EIF4E3: variants seen among roughly 807,000 people sequenced by gnomAD.
The protein encoded by EIF4E3 is eukaryotic translation initiation factor 4E family member 3.
A neutral mutation model predicts 31.7 loss-of-function variants in EIF4E3; 26 were observed. That is an observed-to-expected ratio of 0.82 (90% CI 0.60 to 1.14). The LOEUF is 1.14. EIF4E3 is among the 50% of genes most tolerant of loss of function. The pLI is 0.00. For missense variants in EIF4E3, 304 were observed against 270.9 expected, an observed-to-expected ratio of 1.12 and a Z score of -0.86; for synonymous variants, 128 against 107.7, an observed-to-expected ratio of 1.19 and a Z score of -1.17.
At chr3:71,703,411 T>C (rs1305270245) in intron 2 of EIF4E3, among the ~76,000 whole-genome samples, 10 of 152,220 alleles carry the variant, frequency 6.6e-5, no homozygotes, top group Admixed American at 5.9e-4. Context: ...ACAGGTCATG[T>C]AGCCCGTGAA....
intron 5 of EIF4E3, among the ~76,000 whole-genome samples, chr3:71,693,020 C>T (rs572496132): frequency 1.2e-4 from 18 of 152,184 alleles, no homozygotes; most frequent in Admixed American, 2.6e-4. Context: ...ACAGGGCTCT[C>T]AAACACGGCC....
At chr3:71,701,238 G>A (rs2049212262) in intron 2 of EIF4E3, among the ~76,000 whole-genome samples, 1 of 152,170 alleles carries the variant, frequency 6.6e-6, no homozygotes, top group African/African-American at 2.4e-5. Flanking sequence ...AGGAAGTCTT[G>A]GCAAAGACAA....
chr3:71,675,547 C>CA lies in EIF4E3; in HGVS notation c.*9134dup, dbSNP rs1204120518. ...TGTCGCAAAGAAGCAGGTTAGAAAA[C>CA]ATGCATTTTTTCCACATAATATATG... On this transcript the variant is annotated 3_prime_UTR_variant, in exon 7 of 7. Coordinates refer to ENST00000425534, the MANE Select transcript of EIF4E3 (RefSeq NM_001134651.2). The CA allele has an allele frequency of 6.6e-6, 1 of 152,166 alleles. No homozygotes were observed. The highest frequency in any genetic ancestry group is 1.5e-5 in the Non-Finnish European group (1 of 68,020). 9.4% of individuals were successfully genotyped at this position (152,166 alleles called of 1,614,324 possible).
chr3:71,693,354 GT>G (rs772833342), intron 5 of EIF4E3, among the ~76,000 whole-genome samples: 3 of 152,186 alleles, frequency 2.0e-5, no homozygotes, highest in Non-Finnish European at 2.9e-5. Flanking sequence ...TGGTGAGCAT[GT>G]CCCCACCGAC....
rs542811073 is a variant in EIF4E3, at chr3:71,678,329, T to G, written c.*6353A>C. On this transcript the variant is annotated 3_prime_UTR_variant, in exon 7 of 7. Coordinates refer to ENST00000425534, the MANE Select transcript of EIF4E3 (RefSeq NM_001134651.2). ...AAATAAAGTTCTACAAACTAACACT[T>G]AAACAAACCCTGTGAACTACTACCC... The G allele has an allele frequency of 6.6e-6, 1 of 152,268 alleles. No homozygotes were observed. The highest frequency in any genetic ancestry group is 2.1e-4 in the South Asian group (1 of 4,822). 9.4% of individuals were successfully genotyped at this position (152,268 alleles called of 1,614,324 possible). A position where few individuals can be genotyped will look rare whatever the true frequency, so the allele number is the denominator to read the frequency against.
intron 1 of EIF4E3, among the ~76,000 whole-genome samples, chr3:71,744,503 T>C (rs551348538): frequency 5.8e-4 from 88 of 152,294 alleles, no homozygotes; most frequent in Admixed American, 1.4e-3. Context: ...TCCCAGCACT[T>C]TGGGAGGCCG....
chr3:71,710,379 T>C (rs1355308245), intron 2 of EIF4E3, 33 bp downstream of exon 2: 2 of 1,546,990 alleles, frequency 1.3e-6, no homozygotes, highest in Non-Finnish European at 1.8e-6. Context: ...ACGTGTGCCG[T>C]GTTAATCCAG....
chr3:71,748,450 T>C (rs1268500529), intron 1 of EIF4E3, among the ~76,000 whole-genome samples: 1 of 151,802 alleles, frequency 6.6e-6, no homozygotes, highest in Non-Finnish European at 1.5e-5. Flanking sequence ...TCTTCCAGAG[T>C]ATATAGGGAG....
At chr3:71,719,970 C>T (rs768379199) in intron 1 of EIF4E3, among the ~76,000 whole-genome samples, 19 of 151,816 alleles carry the variant, frequency 1.3e-4, no homozygotes, top group South Asian at 2.1e-4. Context: ...GTCATGACTG[C>T]GCCACTGCAC....
In EIF4E3 at chr3:71,677,350, C is replaced by T. The variant is rs1313198679; in HGVS notation, c.*7332G>A. On this transcript the variant is annotated 3_prime_UTR_variant, in exon 7 of 7. Coordinates refer to ENST00000425534, the MANE Select transcript of EIF4E3 (RefSeq NM_001134651.2). ...AGAGATTTTTTTATGCATTCATTAA[C>T]GAAAAGCAGTTAAAAGTTCTTTAAT... 4 of 151,952 alleles carry T rather than the reference C, an allele frequency of 2.6e-5. No individual in the cohort carries two copies. Among genetic ancestry groups the T allele is most frequent in the African/African-American group, 4.8e-5 (2 of 41,376 alleles). 9.4% of individuals were successfully genotyped at this position (151,952 alleles called of 1,614,324 possible).
chr3:71,676,929 C>CT lies in EIF4E3; in HGVS notation c.*7752dup, dbSNP rs2048878883. The CT allele has an allele frequency of 6.6e-6, 1 of 152,128 alleles. No individual in the cohort carries two copies. Among genetic ancestry groups the CT allele is most frequent in the African/African-American group, 2.4e-5 (1 of 41,434 alleles). The allele number at this position is 152,128 out of a possible 1,614,324, so 9.4% of individuals were successfully genotyped here. On this transcript the variant is annotated 3_prime_UTR_variant, in exon 7 of 7. Coordinates refer to ENST00000425534, the MANE Select transcript of EIF4E3 (RefSeq NM_001134651.2). ...ATGTTTCCTAAGATCTGAAACCTTT[C>CT]TCTAGGTCCATACTTTATATAATCC...
chr3:71,671,630 T>C (rs1457872654), downstream of EIF4E3, among the ~76,000 whole-genome samples: 8 of 151,882 alleles, frequency 5.3e-5, no homozygotes, highest in South Asian at 4.2e-4. Context: ...TACTTAACCA[T>C]CCCTCGCCTC....
intron 1 of EIF4E3, among the ~76,000 whole-genome samples, chr3:71,738,103 A>G (rs2049782075): frequency 6.6e-6 from 1 of 152,228 alleles, no homozygotes; most frequent in Non-Finnish European, 1.5e-5. Context: ...CAACACAGCA[A>G]TAACTTCCCT....
intron 1 of EIF4E3, among the ~76,000 whole-genome samples, chr3:71,722,064 T>C (rs953383013): frequency 1.3e-4 from 18 of 142,376 alleles, no homozygotes; most frequent in Non-Finnish European, 2.4e-4. Flanking sequence ...CAAAGCTTTA[T>C]GGTTCCTGTA....
chr3:71,734,553 T>A (rs1268316431), intron 1 of EIF4E3, among the ~76,000 whole-genome samples: 1 of 152,184 alleles, frequency 6.6e-6, no homozygotes, highest in Non-Finnish European at 1.5e-5. Flanking sequence ...GCACAGTTAA[T>A]GATGCAAATA....
In EIF4E3 at chr3:71,695,398, C is replaced by T. The variant is rs758396649; in HGVS notation, c.405+1062G>A. ...GGAGAGGACAAAACTGCCTTTCAGC[C>T]GCTTTTCAAGGAATGTTGACATCAT... On this transcript the variant is annotated intron_variant, in intron 4 of 6. Transcript: ENST00000425534. Among the ~76,000 whole-genome samples, 12 of 152,140 alleles carry T rather than the reference C, an allele frequency of 7.9e-5. 1 individual carries two copies. The highest frequency in any genetic ancestry group is 1.9e-4 in the East Asian group (1 of 5,192).
chr3:71,724,432 A>C (rs1222666548), intron 1 of EIF4E3, among the ~76,000 whole-genome samples: 1 of 152,210 alleles, frequency 6.6e-6, no homozygotes, highest in African/African-American at 2.4e-5. Flanking sequence ...AAGAAAAAGA[A>C]GGCAGGGCAG....
At chr3:71,713,114 T>G (rs2049407651) in intron 1 of EIF4E3, among the ~76,000 whole-genome samples, 1 of 152,212 alleles carries the variant, frequency 6.6e-6, no homozygotes, top group Admixed American at 6.5e-5. Context: ...AACATGTAAG[T>G]GCCGAATTCT....
intron 6 of EIF4E3, 32 bp downstream of exon 6, chr3:71,689,978 T>G (rs769078296): frequency 6.4e-7 from 1 of 1,563,308 alleles, no homozygotes; most frequent in Non-Finnish European, 8.7e-7. Context: ...TAGAGTAAGC[T>G]AGAAAGTAAT....
Sources: gnomAD v4.1 joint callset for allele counts (sites outside exome capture counted in the v4.1 genomes callset) on GRCh38, gnomAD v4.1.1 for gene constraint, MANE v1.5 for transcripts, NCBI Gene and HGNC (gene_info 2026-07-23, HGNC 2026-07-21) for gene names.